The following MTR variants were observed in gnomAD, a reference collection of about 807,000 sequenced individuals.
The protein encoded by MTR is 5-methyltetrahydrofolate-homocysteine methyltransferase.
In MTR, 84 loss-of-function variants were observed where a neutral mutation model predicts 154.8. The observed-to-expected ratio is 0.54, with a 90% CI of 0.45 to 0.65. The LOEUF is 0.65. Ranked by LOEUF, MTR falls within the 30% of genes least tolerant of loss-of-function variation. The pLI, the probability that MTR is intolerant of heterozygous loss-of-function variation, is 0.00. For synonymous variants in MTR, 554 were observed against 553.9 expected (o/e 1.00, Z 0.00); for missense variants, 1,275 against 1,570.2 (o/e 0.81, Z 3.18).
chr1:236,798,179 G>A (rs1238041607), intron 1 of MTR, among the ~76,000 whole-genome samples: 1 of 152,210 alleles, frequency 6.6e-6, no homozygotes, highest in East Asian at 1.9e-4. Flanking sequence ...TGCTTTTGCT[G>A]TATGTGTTCC....
At chr1:236,852,154 G>A (rs1294587282) in intron 16 of MTR, among the ~76,000 whole-genome samples, 3 of 152,044 alleles carry the variant, frequency 2.0e-5, no homozygotes, top group African/African-American at 7.2e-5. Context: ...TTTTATAGTC[G>A]GTCAAGTTCA....
rs1477903920 is a variant in MTR at position 236,903,270 on chromosome 1, A to G, written c.*5626A>G. On this transcript the variant is annotated 3_prime_UTR_variant, in exon 33 of 33. Transcript: ENST00000366577. ...TCTTTCTGCACTGTTTCAAATTTTT[A>G]CAAGTGTATGTTATTGTACTTTTAA... The G allele has an allele frequency of 6.6e-6, 1 of 152,260 alleles. No homozygotes were observed. The highest frequency in any genetic ancestry group is 1.5e-5 in the Non-Finnish European group (1 of 68,050). The allele number at this position is 152,260 out of a possible 1,614,324, so 9.4% of individuals were successfully genotyped here. A position where few individuals can be genotyped will look rare whatever the true frequency, so the allele number is the denominator to read the frequency against.
intron 24 of MTR, among the ~76,000 whole-genome samples, chr1:236,877,827 A>T (rs1469978991): frequency 1.3e-5 from 2 of 152,180 alleles, no homozygotes; most frequent in East Asian, 3.9e-4. Context: ...AAATTGTAGC[A>T]ATTTACACTC....
intron 30 of MTR, 141 bp from the exon 31 acceptor site, chr1:236,895,217 G>A (rs1666554044): frequency 1.0e-6 from 1 of 952,572 alleles, no homozygotes; most frequent in Admixed American, 2.0e-5. Context: ...AATCCAGCCT[G>A]TTTCCTCTTG....
At chr1:236,799,732 G>A (rs546826898) in intron 1 of MTR, among the ~76,000 whole-genome samples, 5 of 151,094 alleles carry the variant, frequency 3.3e-5, no homozygotes, top group South Asian at 4.2e-4. Context: ...TATTATTTTT[G>A]TCTATGGTGA....
At chr1:236,844,726 G>T (rs1383244297) in intron 15 of MTR, among the ~76,000 whole-genome samples, 7 of 152,162 alleles carry the variant, frequency 4.6e-5, no homozygotes, top group Non-Finnish European at 7.3e-5. Flanking sequence ...AGATCTGCAG[G>T]CATGCTGGTT....
chr1:236,853,290 C>T (rs1451306944), intron 18 of MTR, among the ~76,000 whole-genome samples: 2 of 152,024 alleles, frequency 1.3e-5, no homozygotes, highest in East Asian at 1.9e-4. Flanking sequence ...AGGGTGCTTC[C>T]GTATTCTGAA....
chr1:236,864,903 A>G (rs1222392716), intron 22 of MTR, among the ~76,000 whole-genome samples: 2 of 152,258 alleles, frequency 1.3e-5, no homozygotes, highest in South Asian at 2.1e-4. Flanking sequence ...ATAGCCAGGT[A>G]CATGTTCAGC....
intron 8 of MTR, among the ~76,000 whole-genome samples, chr1:236,821,185 G>A (rs1479067753): frequency 3.3e-5 from 5 of 152,210 alleles, no homozygotes; most frequent in Non-Finnish European, 7.4e-5. Flanking sequence ...GTGCTGCTTC[G>A]TAGCATGGCA....
At chr1:236,822,120 GTTGAATA>G (rs1245687994) in intron 8 of MTR, among the ~76,000 whole-genome samples, 1 of 152,142 alleles carries the variant, frequency 6.6e-6, no homozygotes, top group Admixed American at 6.5e-5. Flanking sequence ...TTGGGATTCT[GTTGAATA>G]TAGATCAAGG....
At chr1:236,823,645 A>T (rs1287562161) in intron 8 of MTR, among the ~76,000 whole-genome samples, 1 of 152,026 alleles carries the variant, frequency 6.6e-6, no homozygotes, top group Non-Finnish European at 1.5e-5. Flanking sequence ...TGACAACCTT[A>T]TAGGGTAGCA....
intron 15 of MTR, among the ~76,000 whole-genome samples, chr1:236,839,958 T>C (rs1483025413): frequency 1.3e-5 from 2 of 152,330 alleles, no homozygotes; most frequent in African/African-American, 2.4e-5. Context: ...CATTTACATA[T>C]GTTTGTCTGC....
At chr1:236,820,369 G>T (rs1661859447) in intron 8 of MTR, 1 of 775,652 alleles carries the variant, frequency 1.3e-6, no homozygotes, top group South Asian at 1.3e-5. Context: ...GCCTGAGGTT[G>T]CAGATTGGTC....
At position 236,863,511 on chromosome 1, in the gene MTR, G is replaced by A; in HGVS notation, c.2362G>A (p.Gly788Ser). The A allele has an allele frequency of 6.2e-7, 1 of 1,614,072 alleles. No individual in the cohort carries two copies. The change falls in exon 22 of 33, where the codon GGC becomes AGC. Residue 788 changes from glycine to serine, a missense_variant. By Grantham distance (56) the Gly-to-Ser change is moderately conservative (BLOSUM62 0). Transcript: ENST00000366577. ...ATVKGDVHDIGKNIVGVVLGC... is the reference protein window; with the variant it reads ...ATVKGDVHDISKNIVGVVLGC... ...TGTTAAAGGCGACGTGCACGACATA[G>A]GCAAGAACATAGTTGGAGTAGTCCT... is the stretch of plus-strand genomic sequence containing the variant.
intron 2 of MTR, 87 bp from the exon 3 acceptor site, chr1:236,806,057 A>C: frequency 3.7e-6 from 4 of 1,077,628 alleles, no homozygotes; most frequent in Non-Finnish European, 5.7e-6. Context: ...GTAGCTGCTG[A>C]TAATGGTGGT....
At chr1:236,838,108 C>G (rs898298895) in intron 14 of MTR, among the ~76,000 whole-genome samples, 2 of 152,136 alleles carry the variant, frequency 1.3e-5, no homozygotes, top group Admixed American at 1.3e-4. Flanking sequence ...TGCCTCGGGG[C>G]TTAGGCGCTT....
intron 24 of MTR, among the ~76,000 whole-genome samples, chr1:236,877,317 A>C (rs951868660): frequency 6.6e-6 from 1 of 152,200 alleles, no homozygotes; most frequent in Non-Finnish European, 1.5e-5. Flanking sequence ...CAACTTGACA[A>C]GTTTTTACAA....
chr1:236,827,726 C>T (rs530881637), intron 11 of MTR, among the ~76,000 whole-genome samples: 2 of 152,126 alleles, frequency 1.3e-5, no homozygotes, highest in South Asian at 2.1e-4. Context: ...AGGAAGGGAG[C>T]GAAACAAGCA....
In MTR at chr1:236,810,602, A is replaced by AT. The variant is rs1417492781; in HGVS notation, c.502+10dup. The AT allele has an allele frequency of 1.9e-6, 3 of 1,604,944 alleles. No individual in the cohort carries two copies. The highest frequency in any genetic ancestry group is 2.6e-6 in the Non-Finnish European group (3 of 1,171,910). The stretch of plus-strand genomic sequence containing the variant: ...CCGGATTATAGGAACATCAGTGAGT[A>AT]TTTACCACATATAATCATTGATCTT... On this transcript the variant is annotated splice_region_variant and intron_variant, in intron 5 of 32. Transcript: ENST00000366577.
Sources: allele counts gnomAD v4.1 joint callset (sites outside exome capture counted in the v4.1 genomes callset), GRCh38; gene constraint gnomAD v4.1.1; transcripts MANE v1.5; gene names NCBI Gene and HGNC (gene_info 2026-07-23, HGNC 2026-07-21).